Variants in PRADC1 observed in about 807,000 individuals in gnomAD.
PRADC1 encodes protease associated domain containing 1, also known as protease-associated domain-containing protein 1.
PRADC1 carries 23 observed loss-of-function variants against 22.9 expected under a neutral mutation model. That is an observed-to-expected ratio of 1.00 (90% confidence interval 0.72 to 1.42). The LOEUF (loss-of-function observed/expected upper bound fraction) is 1.42. PRADC1 is among the 40% of genes most tolerant of loss of function. The probability of loss-of-function intolerance (pLI) is 0.00; values close to 1 mark genes in which losing one functional copy is unlikely to be tolerated. For missense variants in PRADC1, 207 were observed against 258.3 expected, an observed-to-expected ratio of 0.80 and a Z score of 1.36; for synonymous variants, 71 against 100.3, an observed-to-expected ratio of 0.71 and a Z score of 1.75.
chr2:73,229,469 C>T lies in PRADC1; in HGVS notation c.270G>A (p.Val90=). 2 of 1,574,950 alleles carry T rather than the reference C, an allele frequency of 1.3e-6. No individual in the cohort carries two copies. Among genetic ancestry groups the T allele is most frequent in the Non-Finnish European group, 1.7e-6 (2 of 1,159,936 alleles). The change falls in exon 3 of 5, where the codon GTG becomes GTA. Residue 90 remains valine, a synonymous_variant. Coordinates refer to ENST00000258083, the MANE Select transcript of PRADC1 (RefSeq NM_032319.3). ...GFFIQDQIAL[V]ERGGCSFLSK... is the part of the protein sequence containing the mutation. ...GCCTGCCCACTCCTTACCCCCTCTC[C>T]ACCAGAGCAATCTGGTCCTGGATGA...
chr2:73,228,317 A>G lies in PRADC1; in HGVS notation c.*137T>C, dbSNP rs1272202262. The G allele has an allele frequency of 6.3e-6, 7 of 1,107,540 alleles. No homozygotes were observed. Among genetic ancestry groups the G allele is most frequent in the Non-Finnish European group, 9.1e-6 (7 of 768,738 alleles). 68.6% of individuals were successfully genotyped at this position (1,107,540 alleles called of 1,614,324 possible). On this transcript the variant is annotated 3_prime_UTR_variant, in exon 5 of 5. Transcript: ENST00000258083. This position sits in a 1 kb window ranked among gnomAD's most constrained non-coding sequence, Gnocchi z 4.0. ...AGTGGTGTGGCTTCCCTTTCAGCCT[A>G]GCAACGCCCAAACCCTTTTCCTCTA...
At position 73,233,135 on chromosome 2, in the gene PRADC1, C is replaced by T. The variant is rs963759025; in HGVS notation, c.26G>A (p.Cys9Tyr). The change falls in exon 1 of 5, where the codon TGT becomes TAT. Residue 9 changes from cysteine (C) to tyrosine (Y), a missense_variant. Physicochemically the swap from Cys to Tyr is radical, Grantham distance 194. Coordinates refer to ENST00000258083, the MANE Select transcript of PRADC1 (RefSeq NM_032319.3). MVPGAAGWCCLVLWLPACV... is the reference protein window; with the variant it reads MVPGAAGWYCLVLWLPACV... ...CGCGGGGAGCCAGAGCACGAGACAA[C>T]ACCAGCCCGCGGCGCCGGGGACCAT... 12 of 1,497,608 alleles carry T rather than the reference C, an allele frequency of 8.0e-6. No homozygotes were observed. In the East Asian group the frequency reaches 8.4e-5, roughly 10 times the overall value. 92.8% of individuals were successfully genotyped at this position (1,497,608 alleles called of 1,614,324 possible). A position where few individuals can be genotyped will look rare whatever the true frequency, so the allele number is the denominator to read the frequency against.
At chr2:73,232,338 A>T (rs1238509424) in intron 1 of PRADC1, among the ~76,000 whole-genome samples, 3 of 42,046 alleles carry the variant, frequency 7.1e-5, no homozygotes, top group Non-Finnish European at 1.5e-4. Context: ...CTCCGTCTCA[A>T]AAAAAAAAAA....
intron 1 of PRADC1, among the ~76,000 whole-genome samples, chr2:73,231,952 T>C (rs1686649888): frequency 6.6e-6 from 1 of 152,240 alleles, no homozygotes; most frequent in South Asian, 2.1e-4. Flanking sequence ...GCATGGGATC[T>C]TCTCCTCAGC....
In PRADC1 at chr2:73,228,411, C is replaced by T. The variant is rs772917299; in HGVS notation, c.*43G>A. On this transcript the variant is annotated 3_prime_UTR_variant, in exon 5 of 5. Coordinates refer to ENST00000258083, the MANE Select transcript of PRADC1 (RefSeq NM_032319.3). The surrounding 1 kb of genome is among the most constrained non-coding windows in gnomAD (Gnocchi z 4.0). ...AGCAAAATTCCTGGGTTTCCCCTTC[C>T]CAGCTCAGAGTCACTTATGGCTGGA... The T allele has an allele frequency of 1.9e-6, 3 of 1,611,500 alleles. No homozygotes were observed. The highest frequency in any genetic ancestry group is 1.7e-5 in the Admixed American group (1 of 59,850).
In PRADC1 at chr2:73,228,358, C is replaced by T. The variant is rs550866868; in HGVS notation, c.*96G>A. The T allele has an allele frequency of 1.1e-4, 163 of 1,494,438 alleles. 1 individual carries two copies. In the East Asian group the frequency reaches 3.7e-3, roughly 34 times the overall value. 92.6% of individuals were successfully genotyped at this position (1,494,438 alleles called of 1,614,324 possible). ...TTTTCCTCTACCTGGCTCCACTTGT[C>T]CCCAGATGCTATCTCCAAATTCCAA... On this transcript the variant is annotated 3_prime_UTR_variant, in exon 5 of 5. Coordinates refer to ENST00000258083, the MANE Select transcript of PRADC1 (RefSeq NM_032319.3). This position sits in a 1 kb window ranked among gnomAD's most constrained non-coding sequence, Gnocchi z 4.0.
chr2:73,229,640 A>G, intron 2 of PRADC1, 70 bp from the exon 3 acceptor site: 2 of 1,182,606 alleles, frequency 1.7e-6, no homozygotes, highest in Non-Finnish European at 2.5e-6. Flanking sequence ...CTGGGCTGAC[A>G]ATCCCATCTT....
chr2:73,229,699 G>A (rs113202883), intron 2 of PRADC1, 129 bp from the exon 3 acceptor site: 8 of 707,658 alleles, frequency 1.1e-5, no homozygotes, highest in African/African-American at 3.5e-5. Context: ...TTTCTGTATC[G>A]CCAGACACTT....
chr2:73,228,376 A>G lies in PRADC1; in HGVS notation c.*78T>C, dbSNP rs562597701. On this transcript the variant is annotated 3_prime_UTR_variant, in exon 5 of 5. Transcript: ENST00000258083. The surrounding 1 kb of genome is among the most constrained non-coding windows in gnomAD (Gnocchi z 4.0). ...CACTTGTCCCCAGATGCTATCTCCA[A>G]ATTCCAAGTAGCAAAATTCCTGGGT... 9 of 1,579,894 alleles carry G rather than the reference A, an allele frequency of 5.7e-6. No individual in the cohort carries two copies. The highest frequency in any genetic ancestry group is 4.5e-5 in the East Asian group (2 of 44,260).
Position 73,228,799 on chromosome 2 carries a change from C to G in PRADC1, c.442G>C (p.Asp148His), listed in dbSNP as rs1686569955. Residue 148 changes from aspartate (D) to histidine (H), a missense_variant, in exon 4 of 5, where the codon GAC (aspartate) becomes CAC (histidine). By Grantham distance (81) the Asp-to-His change is moderately conservative. Coordinates refer to ENST00000258083, the MANE Select transcript of PRADC1 (RefSeq NM_032319.3). This position sits in a 1 kb window ranked among gnomAD's most constrained non-coding sequence, Gnocchi z 4.0. The stretch of plus-strand genomic sequence containing the variant: ...CCAGAGGCAAGGAGCCCTCACCCGT[C>G]TCGGCCGAGCAGGAAGAGGGCGGGG... Reference protein sequence around the residue: ...DIPALFLLGRDGYMIRRSLEQ... With the variant: ...DIPALFLLGRHGYMIRRSLEQ... 1.2e-6 allele frequency: 2 copies of G among 1,611,254 alleles called. No homozygotes were observed. Among genetic ancestry groups the G allele is most frequent in the African/African-American group, 1.3e-5 (1 of 74,866 alleles).
At chr2:73,229,734 A>G in intron 2 of PRADC1, 164 bp from the exon 3 acceptor site, 1 of 632,976 alleles carries the variant, frequency 1.6e-6, no homozygotes, top group Non-Finnish European at 2.8e-6. Context: ...AATTCTCGCA[A>G]AGGCCTATCT....
At chr2:73,233,020 C>T (rs1686693301) in intron 1 of PRADC1, 74 bp downstream of exon 1, 1 of 1,495,224 alleles carries the variant, frequency 6.7e-7, no homozygotes, top group Non-Finnish European at 8.9e-7. Flanking sequence ...TGACCCTTGG[C>T]CCCCAACCCG....
intron 1 of PRADC1, among the ~76,000 whole-genome samples, chr2:73,232,641 G>A (rs1249518322): frequency 6.6e-6 from 1 of 152,158 alleles, no homozygotes; most frequent in Non-Finnish European, 1.5e-5. Flanking sequence ...GTAAGTTGTG[G>A]GTATACGTAT....
rs376084637 is a variant in PRADC1, at chr2:73,233,211, G to T, written c.-51C>A. The T allele has an allele frequency of 7.3e-6, 9 of 1,230,488 alleles. No homozygotes were observed. The East Asian group carries it at 9.5e-5, about 13-fold the overall frequency. 76.2% of individuals were successfully genotyped at this position (1,230,488 alleles called of 1,614,324 possible). ...CCGCGTTTCCTCTCGCCGCCCCGCC[G>T]CGCGTCGCTCGCAGGACTTCAGCCT... On this transcript the variant is annotated 5_prime_UTR_variant, in exon 1 of 5. Transcript: ENST00000258083.
In PRADC1 at chr2:73,228,524, A is replaced by G. The variant is rs149287681; in HGVS notation, c.497T>C (p.Ile166Thr). 3.7e-5 allele frequency: 59 copies of G among 1,614,216 alleles called. No homozygotes were observed. Among genetic ancestry groups the G allele is most frequent in the Non-Finnish European group, 3.9e-5 (46 of 1,180,036 alleles). Residue 166 changes from isoleucine to threonine, a missense_variant, in exon 5 of 5, where the codon ATT (isoleucine) becomes ACT (threonine). Coordinates refer to ENST00000258083, the MANE Select transcript of PRADC1 (RefSeq NM_032319.3). The surrounding 1 kb of genome is among the most constrained non-coding windows in gnomAD (Gnocchi z 4.0). ...LEQHGLPWAI[I>T]SIPVNVTSIP... The stretch of plus-strand genomic sequence containing the variant: ...GCTGGTGACATTGACTGGGATGGAA[A>G]TGATGGCCCATGGCAGCCCATGCTG...
At chr2:73,229,884 C>T in intron 2 of PRADC1, 1 of 587,220 alleles carries the variant, frequency 1.7e-6, no homozygotes, top group Non-Finnish European at 3.0e-6. Flanking sequence ...TGGCTTTTCA[C>T]TTCATGTCCC....
chr2:73,229,266 C>T (rs890324213), intron 3 of PRADC1, among the ~76,000 whole-genome samples, 195 bp downstream of exon 3: 3 of 152,010 alleles, frequency 2.0e-5, no homozygotes, highest in Admixed American at 6.6e-5. Context: ...CACAGGTGTG[C>T]ACCACCATGC....
intron 3 of PRADC1, among the ~76,000 whole-genome samples, chr2:73,229,243 G>C (rs931925164): frequency 5.9e-5 from 9 of 151,862 alleles, no homozygotes; most frequent in African/African-American, 1.7e-4. Flanking sequence ...CCTCAGCCTC[G>C]AGTAGCTGGG....
chr2:73,229,008 C>T (rs1487359195), intron 3 of PRADC1, 46 bp from the exon 4 acceptor site: 1 of 1,574,952 alleles, frequency 6.3e-7, no homozygotes, highest in Non-Finnish European at 8.7e-7. Context: ...GGTCCTAGCT[C>T]CCCCTTCCCC....
Sources: gnomAD v4.1 joint callset for allele counts (sites outside exome capture counted in the v4.1 genomes callset) on GRCh38, gnomAD v4.1.1 for gene constraint, Gnocchi (gnomAD v3.1) non-coding constraint, MANE v1.5 for transcripts, NCBI Gene and HGNC (gene_info 2026-07-23, HGNC 2026-07-21) for gene names.